The following PLEKHB2 variants were observed in gnomAD, a reference collection of about 807,000 sequenced individuals.
PLEKHB2 encodes the protein pleckstrin homology domain-containing family B member 2.
Under a neutral mutation model 36.5 loss-of-function variants are expected in PLEKHB2, and 31 were observed. That is an observed-to-expected ratio of 0.85 (90% CI 0.64 to 1.15). PLEKHB2 has a LOEUF of 1.15. Ranked by LOEUF, PLEKHB2 falls within the 50% of genes most tolerant of loss-of-function variation. The pLI is 0.00. For synonymous variants in PLEKHB2, 119 were observed against 112.0 expected, an observed-to-expected ratio of 1.06 and a Z score of -0.39; for missense variants, 262 against 295.3, an observed-to-expected ratio of 0.89 and a Z score of 0.83.
intron 1 of PLEKHB2, among the ~76,000 whole-genome samples, chr2:131,110,314 A>G (rs1573517324): frequency 6.9e-6 from 1 of 144,382 alleles, no homozygotes; most frequent in Non-Finnish European, 1.5e-5. Context: ...TCCAGTCTGG[A>G]CTGTTTTTTT....
In PLEKHB2 at chr2:131,142,566, CT is replaced by C. The variant is rs952615429; in HGVS notation, c.532+2300del. On this transcript the variant is annotated intron_variant, in intron 7 of 7. Transcript: ENST00000693505. ...ATTGAATATGCATTAGAATATGTTT[CT>C]TTTTTTTTCTTTTTTTTTTTTGAGA... 1.4e-4 allele frequency among the ~76,000 whole-genome samples: 20 copies of C among 144,296 alleles called. 1 individual carries two copies. Among genetic ancestry groups the C allele is most frequent in the African/African-American group, 4.4e-4 (17 of 38,888 alleles). The allele number at this position is 144,296 out of a possible 152,430, so 94.7% of individuals were successfully genotyped here.
At chr2:131,110,700 A>T (rs1243727163) in intron 1 of PLEKHB2, among the ~76,000 whole-genome samples, 1 of 151,820 alleles carries the variant, frequency 6.6e-6, no homozygotes, top group Non-Finnish European at 1.5e-5. Context: ...TGGGTGTGGA[A>T]TTCTGGCTTG....
intron 1 of PLEKHB2, chr2:131,120,627 T>A: frequency 2.3e-6 from 1 of 435,286 alleles, no homozygotes. Flanking sequence ...GAATCCCCCA[T>A]GTCCTTGACA....
At chr2:131,142,517 T>G (rs1698894491) in intron 7 of PLEKHB2, among the ~76,000 whole-genome samples, 1 of 152,156 alleles carries the variant, frequency 6.6e-6, no homozygotes, top group Non-Finnish European at 1.5e-5. Context: ...TTGAACATCT[T>G]TAATCATTTT....
intron 6 of PLEKHB2, among the ~76,000 whole-genome samples, 157 bp from the exon 7 acceptor site, chr2:131,140,010 A>T (rs115535836): frequency 6.6e-6 from 1 of 152,164 alleles, no homozygotes; most frequent in African/African-American, 2.4e-5. Flanking sequence ...GTTTTTTAGT[A>T]ATTTTAAAAC....
At chr2:131,137,543 G>A (rs1698391686) in intron 6 of PLEKHB2, among the ~76,000 whole-genome samples, 1 of 152,180 alleles carries the variant, frequency 6.6e-6, no homozygotes, top group Non-Finnish European at 1.5e-5. Flanking sequence ...ACTTAGATGT[G>A]TAGAGTTCTT....
chr2:131,123,766 ACCCCCCC>A (rs796669454), intron 2 of PLEKHB2, among the ~76,000 whole-genome samples: 2 of 11,556 alleles, frequency 1.7e-4, no homozygotes, highest in African/African-American at 6.4e-4. Context: ...CTCCTGGTCC[ACCCCCCC>A]CACCCCCCCC....
At chr2:131,114,845 C>T (rs986646478) in intron 1 of PLEKHB2, among the ~76,000 whole-genome samples, 8 of 152,208 alleles carry the variant, frequency 5.3e-5, no homozygotes, top group African/African-American at 1.9e-4. Flanking sequence ...TCCAAACTTT[C>T]CCACATCTTT....
At chr2:131,136,210 C>CCTCCT (rs540742763) in intron 6 of PLEKHB2, among the ~76,000 whole-genome samples, 98 of 138,158 alleles carry the variant, frequency 7.1e-4, no homozygotes, top group African/African-American at 2.5e-3. Context: ...CGTCCCCTCT[C>CCTCCT]CTCCTCTCCT....
intron 7 of PLEKHB2, chr2:131,144,497 T>C (rs1699093932): frequency 1.4e-6 from 1 of 725,086 alleles, no homozygotes; most frequent in African/African-American, 1.8e-5. Flanking sequence ...AGTCCTCCCA[T>C]CCTCCCATCT....
At chr2:131,130,937 T>C (rs954143535) in intron 5 of PLEKHB2, among the ~76,000 whole-genome samples, 177 bp downstream of exon 5, 1 of 152,128 alleles carries the variant, frequency 6.6e-6, no homozygotes, top group Admixed American at 6.6e-5. Flanking sequence ...AGGCCCATGC[T>C]ACCACGCCCA....
chr2:131,136,493 T>C (rs1698272802), intron 6 of PLEKHB2, among the ~76,000 whole-genome samples: 1 of 151,720 alleles, frequency 6.6e-6, no homozygotes. Context: ...TAAATACTTT[T>C]TCTACAGTAA....
rs1295069352 is a variant in PLEKHB2, at chr2:131,131,651, G to C, written c.333+891G>C. Among the ~76,000 whole-genome samples the C allele has an allele frequency of 6.6e-5, 10 of 152,128 alleles. 1 individual carries two copies. In the South Asian group the frequency reaches 2.1e-3, roughly 32 times the overall value. On this transcript the variant is annotated intron_variant, in intron 5 of 7. Transcript: ENST00000693505. ...TGCATGTGGGAGAAGAAAGTAAAAG[G>C]CTTAATATCCTAATAGCGTCAGTGT...
chr2:131,142,981 T>G (rs182879360), intron 7 of PLEKHB2, among the ~76,000 whole-genome samples: 120 of 152,288 alleles, frequency 7.9e-4, no homozygotes, highest in African/African-American at 2.8e-3. Context: ...CAATGTACAT[T>G]TAGTAGAAAC....
At chr2:131,126,415 T>A (rs571491462) in intron 3 of PLEKHB2, among the ~76,000 whole-genome samples, 1 of 152,152 alleles carries the variant, frequency 6.6e-6, no homozygotes, top group Non-Finnish European at 1.5e-5. Context: ...GTAATCTGGC[T>A]ACTCAGGAGG....
chr2:131,137,928 A>G (rs1698425553), intron 6 of PLEKHB2, among the ~76,000 whole-genome samples: 1 of 151,240 alleles, frequency 6.6e-6, no homozygotes, highest in Admixed American at 6.6e-5. Context: ...ATTATTCTTG[A>G]GTGCTTTTCC....
intron 6 of PLEKHB2, among the ~76,000 whole-genome samples, chr2:131,133,454 A>C (rs1697924156): frequency 6.6e-6 from 1 of 152,280 alleles, no homozygotes. Flanking sequence ...CTTTTAAAAA[A>C]ATTGAATTTT....
chr2:131,127,871 A>T (rs939188206), intron 4 of PLEKHB2, among the ~76,000 whole-genome samples: 1 of 152,218 alleles, frequency 6.6e-6, no homozygotes, highest in African/African-American at 2.4e-5. Flanking sequence ...TAAGAATGTG[A>T]TGTCCTTGGG....
chr2:131,112,976 G>T (rs1695477788), intron 1 of PLEKHB2, among the ~76,000 whole-genome samples: 2 of 152,190 alleles, frequency 1.3e-5, no homozygotes, highest in Non-Finnish European at 2.9e-5. Context: ...GGTGTCTGAA[G>T]GGTGGGCAGT....
Sources: allele counts gnomAD v4.1 joint callset (sites outside exome capture counted in the v4.1 genomes callset), GRCh38; gene constraint gnomAD v4.1.1; transcripts MANE v1.5; gene names NCBI Gene and HGNC (gene_info 2026-07-23, HGNC 2026-07-21).